The following MACROD2 variants were observed in gnomAD, a reference collection of about 807,000 sequenced individuals.
MACROD2 encodes the protein mono-ADP ribosylhydrolase 2, also known as ADP-ribose glycohydrolase MACROD2.
Under a neutral mutation model 70.4 loss-of-function variants are expected in MACROD2, and 36 were observed. That is an observed-to-expected ratio of 0.51 (90% CI 0.39 to 0.68). The LOEUF (loss-of-function observed/expected upper bound fraction) is 0.68, where lower values mean the gene tolerates loss of function less well. Ranked by LOEUF, MACROD2 falls within the 30% of genes least tolerant of loss-of-function variation. MACROD2 has a pLI of 0.00. For missense variants in MACROD2, 496 were observed against 538.4 expected (o/e 0.92, Z 0.78); for synonymous variants, 172 against 178.8 (o/e 0.96, Z 0.30).
chr20:14,558,505 T>C (rs1979203662), intron 4 of MACROD2, among the ~76,000 whole-genome samples: 1 of 151,702 alleles, frequency 6.6e-6, no homozygotes, highest in African/African-American at 2.4e-5. Flanking sequence ...GAAAAATATA[T>C]ACCATGTAAA....
At chr20:15,082,274 C>T (rs897010058) in intron 5 of MACROD2, among the ~76,000 whole-genome samples, 6 of 152,118 alleles carry the variant, frequency 3.9e-5, no homozygotes, top group Non-Finnish European at 8.8e-5. Context: ...ATCTCCCCCT[C>T]AATAAAGGGA....
At chr20:15,635,448 G>A (rs894841053) in intron 8 of MACROD2, among the ~76,000 whole-genome samples, 1 of 152,172 alleles carries the variant, frequency 6.6e-6, no homozygotes, top group Non-Finnish European at 1.5e-5. Context: ...CAACATGGAT[G>A]CAGTCAGAAG....
At chr20:14,600,345 C>CAT (rs1735377231) in intron 4 of MACROD2, among the ~76,000 whole-genome samples, 6 of 110,738 alleles carry the variant, frequency 5.4e-5, no homozygotes, top group Admixed American at 3.7e-4. Context: ...TATATATATA[C>CAT]ACACACACAC....
chr20:14,144,078 T>G (rs1157502952), intron 3 of MACROD2, among the ~76,000 whole-genome samples: 1 of 152,120 alleles, frequency 6.6e-6, no homozygotes, highest in African/African-American at 2.4e-5. Flanking sequence ...AGTGCCTAGA[T>G]AGATGTGAAT....
rs375323813 is a variant in MACROD2 at position 15,278,529 on chromosome 20, A to G, written c.540+48468A>G. On this transcript the variant is annotated intron_variant, in intron 6 of 17. Transcript: ENST00000684519. The stretch of plus-strand genomic sequence containing the variant: ...AGTTGGCTTAACTTATCCTAGTCTC[A>G]GGTGTCTTCCAAGAGCTACTGAAAT... Among the ~76,000 whole-genome samples, 20 of 152,322 alleles carry G rather than the reference A, an allele frequency of 1.3e-4. No individual in the cohort carries two copies. In the East Asian group the frequency reaches 3.5e-3, roughly 26 times the overall value.
rs556962450 is a variant in MACROD2, at chr20:15,887,204, C to T, written c.775+1393C>T. Among the ~76,000 whole-genome samples the T allele has an allele frequency of 1.3e-3, 205 of 152,214 alleles. 1 individual carries two copies. Among genetic ancestry groups the T allele is most frequent in the African/African-American group, 4.7e-3 (196 of 41,536 alleles). ...ATGTTAAGTTATATCTCTCTCCCTC[C>T]CCGGACTGCCCACTATCTTCAAGGG... On this transcript the variant is annotated intron_variant, in intron 10 of 17. Coordinates refer to ENST00000684519, the MANE Select transcript of MACROD2 (RefSeq NM_001351661.2).
chr20:14,306,462 A>C (rs148032784), intron 3 of MACROD2, among the ~76,000 whole-genome samples: 1 of 152,262 alleles, frequency 6.6e-6, no homozygotes, highest in African/African-American at 2.4e-5. Context: ...ATGATTATAC[A>C]GTCTGTGGAT....
At chr20:14,200,885 CT>C (rs1321227771) in intron 3 of MACROD2, among the ~76,000 whole-genome samples, 2 of 147,188 alleles carry the variant, frequency 1.4e-5, no homozygotes, top group African/African-American at 5.0e-5. Flanking sequence ...TCTAGTCTTG[CT>C]TTTGTATCTT....
chr20:15,772,609 C>A (rs2051654424), intron 8 of MACROD2, among the ~76,000 whole-genome samples: 1 of 152,018 alleles, frequency 6.6e-6, no homozygotes, highest in South Asian at 2.1e-4. Flanking sequence ...AGGAAAGAGG[C>A]TTAATAGTTC....
intron 5 of MACROD2, among the ~76,000 whole-genome samples, chr20:14,924,472 A>C (rs897938260): frequency 2.0e-5 from 3 of 152,112 alleles, no homozygotes; most frequent in African/African-American, 7.2e-5. Context: ...AAATAAAAAA[A>C]AAGAAAGAAA....
chr20:14,534,560 A>G (rs2123215550), intron 4 of MACROD2, among the ~76,000 whole-genome samples: 1 of 152,328 alleles, frequency 6.6e-6, no homozygotes, highest in African/African-American at 2.4e-5. Context: ...TCAAATACAG[A>G]TGTATTTTAG....
chr20:15,171,586 G>A (rs767415972), intron 5 of MACROD2, among the ~76,000 whole-genome samples: 1 of 151,788 alleles, frequency 6.6e-6, no homozygotes, highest in Non-Finnish European at 1.5e-5. Flanking sequence ...ACTTTCTTTA[G>A]CCCTTACATC....
chr20:14,658,151 G>A (rs1402266410), intron 4 of MACROD2, among the ~76,000 whole-genome samples: 1 of 151,992 alleles, frequency 6.6e-6, no homozygotes, highest in African/African-American at 2.4e-5. Context: ...TTAAGGTTTA[G>A]CAATCTTGTT....
At chr20:15,217,760 T>C (rs751716863) in intron 5 of MACROD2, among the ~76,000 whole-genome samples, 14 of 152,216 alleles carry the variant, frequency 9.2e-5, no homozygotes, top group Non-Finnish European at 1.9e-4. Flanking sequence ...CCAGATATTA[T>C]TTATTTTCAG....
At chr20:14,135,360 A>G (rs2054780763) in intron 3 of MACROD2, among the ~76,000 whole-genome samples, 1 of 152,282 alleles carries the variant, frequency 6.6e-6, no homozygotes, top group East Asian at 1.9e-4. Flanking sequence ...TTTGAAAATC[A>G]GTGTAATTAA....
At chr20:15,905,148 A>G (rs898591125) in intron 10 of MACROD2, among the ~76,000 whole-genome samples, 3 of 152,148 alleles carry the variant, frequency 2.0e-5, no homozygotes, top group African/African-American at 7.2e-5. Flanking sequence ...TGCTCAGTAA[A>G]TATTTCCATC....
At chr20:15,896,010 C>T (rs1266498625) in intron 10 of MACROD2, among the ~76,000 whole-genome samples, 1 of 152,194 alleles carries the variant, frequency 6.6e-6, no homozygotes, top group Non-Finnish European at 1.5e-5. Context: ...TGTTCCATTT[C>T]CTGTTATGAT....
chr20:15,977,683 AAG>A (rs1165162413), intron 13 of MACROD2, among the ~76,000 whole-genome samples: 1 of 152,216 alleles, frequency 6.6e-6, no homozygotes, highest in Non-Finnish European at 1.5e-5. Context: ...TTAATCTGGT[AAG>A]AGAGACAAAG....
At chr20:15,873,914 T>C (rs1409413494) in intron 9 of MACROD2, among the ~76,000 whole-genome samples, 2 of 152,120 alleles carry the variant, frequency 1.3e-5, no homozygotes, top group Non-Finnish European at 2.9e-5. Flanking sequence ...TTATTATTAT[T>C]ATTTTTTATT....
Sources: allele counts gnomAD v4.1 joint callset (sites outside exome capture counted in the v4.1 genomes callset), GRCh38; gene constraint gnomAD v4.1.1; transcripts MANE v1.5; gene names NCBI Gene and HGNC (gene_info 2026-07-23, HGNC 2026-07-21).